LRRC8C: variants seen among roughly 807,000 people sequenced by gnomAD.
LRRC8C encodes the protein volume-regulated anion channel subunit LRRC8C.
A neutral mutation model predicts 55.3 loss-of-function variants in LRRC8C; 20 were observed. That is an observed-to-expected ratio of 0.36 (90% CI 0.25 to 0.53). The LOEUF is 0.53. LRRC8C is among the 20% of genes least tolerant of loss of function. The probability of loss-of-function intolerance (pLI) is 0.92; values close to 1 mark genes in which losing one functional copy is unlikely to be tolerated. For missense variants in LRRC8C, 659 were observed against 951.4 expected, an observed-to-expected ratio of 0.69 and a Z score of 4.04; for synonymous variants, 376 against 360.7, an observed-to-expected ratio of 1.04 and a Z score of -0.48.
intron 1 of LRRC8C, among the ~76,000 whole-genome samples, chr1:89,657,265 A>G (rs1177293427): frequency 1.3e-5 from 2 of 152,226 alleles, no homozygotes. Context: ...AGGACTTCAT[A>G]TCACCCTAAG....
At chr1:89,643,464 T>C (rs192563967) in intron 1 of LRRC8C, among the ~76,000 whole-genome samples, 31 of 152,382 alleles carry the variant, frequency 2.0e-4, no homozygotes, top group African/African-American at 7.2e-4. Flanking sequence ...TAGTAATGAC[T>C]ACCATTCTGC....
intron 2 of LRRC8C, among the ~76,000 whole-genome samples, chr1:89,698,323 G>T (rs1318115085): frequency 6.6e-6 from 1 of 152,154 alleles, no homozygotes. Flanking sequence ...CCTCCTTAGG[G>T]ATATGGGGGA....
intron 1 of LRRC8C, among the ~76,000 whole-genome samples, chr1:89,654,946 G>A (rs1169103287): frequency 6.8e-6 from 1 of 147,100 alleles, no homozygotes. Flanking sequence ...AGGCCCAAGT[G>A]ATCCTCCTTC....
At chr1:89,634,845 TA>T (rs1395395327) in intron 1 of LRRC8C, among the ~76,000 whole-genome samples, 6 of 152,312 alleles carry the variant, frequency 3.9e-5, no homozygotes, top group African/African-American at 1.2e-4. Flanking sequence ...CTGGAGTGAT[TA>T]AGTTCTGTCT....
intron 1 of LRRC8C, among the ~76,000 whole-genome samples, chr1:89,675,291 A>T (rs1283434256): frequency 6.6e-6 from 1 of 152,214 alleles, no homozygotes; most frequent in African/African-American, 2.4e-5. Context: ...TTTTCAGAAA[A>T]CTGTAAATTC....
intron 1 of LRRC8C, among the ~76,000 whole-genome samples, chr1:89,637,598 G>A (rs372221215): frequency 6.6e-6 from 1 of 152,126 alleles, no homozygotes; most frequent in Non-Finnish European, 1.5e-5. Flanking sequence ...GAAAGAGACT[G>A]TGGGGTCAAG....
At chr1:89,705,271 T>G (rs1445777451) in intron 2 of LRRC8C, among the ~76,000 whole-genome samples, 1 of 85,534 alleles carries the variant, frequency 1.2e-5, no homozygotes, top group Admixed American at 1.8e-4. Flanking sequence ...TGGGGACTGT[T>G]GTGGGGTGGG....
At chr1:89,643,378 A>G (rs1418890042) in intron 1 of LRRC8C, among the ~76,000 whole-genome samples, 1 of 152,346 alleles carries the variant, frequency 6.6e-6, no homozygotes, top group East Asian at 1.9e-4. Context: ...CACCATGTCC[A>G]GCTGGGAGGA....
intron 1 of LRRC8C, among the ~76,000 whole-genome samples, chr1:89,669,932 T>C (rs538402700): frequency 8.3e-4 from 126 of 152,324 alleles, no homozygotes; most frequent in African/African-American, 2.9e-3. Flanking sequence ...TTTTTTCTTT[T>C]GCCTTTTCCT....
At chr1:89,689,702 A>T (rs943000454) in intron 2 of LRRC8C, among the ~76,000 whole-genome samples, 1 of 152,140 alleles carries the variant, frequency 6.6e-6, no homozygotes, top group Admixed American at 6.5e-5. Context: ...ACACTTTGGG[A>T]GACCGAGGTG....
the LRRC8C span, among the ~76,000 whole-genome samples, chr1:89,624,219 G>C: frequency 2.0e-5 from 3 of 152,180 alleles, no homozygotes; most frequent in African/African-American, 7.2e-5. Flanking sequence ...TATTATACTG[G>C]ACAGTAAACA....
chr1:89,650,882 T>C (rs1656754165), intron 1 of LRRC8C, among the ~76,000 whole-genome samples: 1 of 152,170 alleles, frequency 6.6e-6, no homozygotes. Flanking sequence ...GTTCAACCAC[T>C]TCTTAGAGCT....
intron 1 of LRRC8C, among the ~76,000 whole-genome samples, chr1:89,669,957 T>C (rs140306703): frequency 6.6e-6 from 1 of 152,246 alleles, no homozygotes; most frequent in Admixed American, 6.5e-5. Flanking sequence ...TAAAACCAGA[T>C]ATTTGAGTGG....
intron 2 of LRRC8C, chr1:89,706,372 TGTG>T (rs1435268006): frequency 1.1e-5 from 5 of 455,616 alleles, no homozygotes; most frequent in Admixed American, 9.4e-5. Flanking sequence ...TTCATGCAAA[TGTG>T]GTACCTTTTC....
intron 1 of LRRC8C, among the ~76,000 whole-genome samples, chr1:89,652,106 G>C (rs573242243): frequency 2.0e-5 from 3 of 151,720 alleles, no homozygotes; most frequent in African/African-American, 7.2e-5. Flanking sequence ...TGCAGTAAAA[G>C]AAAAGTAAAA....
chr1:89,695,553 T>G (rs945798011), intron 2 of LRRC8C, among the ~76,000 whole-genome samples: 1 of 152,228 alleles, frequency 6.6e-6, no homozygotes, highest in African/African-American at 2.4e-5. Flanking sequence ...GATATTCACT[T>G]GTAGAACACT....
intron 1 of LRRC8C, among the ~76,000 whole-genome samples, chr1:89,643,726 T>C (rs1167452430): frequency 6.6e-6 from 1 of 152,232 alleles, no homozygotes; most frequent in Admixed American, 6.5e-5. Context: ...TTTCCTGTTA[T>C]TTCATACAGG....
chr1:89,691,592 A>G (rs1658028864), intron 2 of LRRC8C, among the ~76,000 whole-genome samples: 1 of 152,224 alleles, frequency 6.6e-6, no homozygotes. Context: ...TACTTTATTT[A>G]GTTCCCAGAA....
intron 1 of LRRC8C, among the ~76,000 whole-genome samples, chr1:89,662,711 C>A (rs912535962): frequency 5.3e-5 from 8 of 152,060 alleles, no homozygotes; most frequent in African/African-American, 1.7e-4. Flanking sequence ...CAGTAAGGGA[C>A]CTGAATAATG....
Sources: gnomAD v4.1 joint callset for allele counts (sites outside exome capture counted in the v4.1 genomes callset) on GRCh38, gnomAD v4.1.1 for gene constraint, MANE v1.5 for transcripts, NCBI Gene and HGNC (gene_info 2026-07-23, HGNC 2026-07-21) for gene names.